WWTR1: variants seen among roughly 807,000 people sequenced by gnomAD.
The protein encoded by WWTR1 is WW domain-containing transcription regulator protein 1.
WWTR1 carries 13 observed loss-of-function variants against 40.1 expected under a neutral mutation model. The observed-to-expected ratio is 0.32, with a 90% CI of 0.21 to 0.52. WWTR1 has a LOEUF of 0.52. Among genes scored for constraint, WWTR1 ranks in the 20% least tolerant of loss-of-function variants. WWTR1 has a pLI of 0.97. For synonymous variants in WWTR1, 230 were observed against 210.1 expected (o/e 1.09, Z -0.82); for missense variants, 436 against 523.1 (o/e 0.83, Z 1.63).
intron 2 of WWTR1, among the ~76,000 whole-genome samples, chr3:149,588,245 GCAGCAGA>G (rs747709657): frequency 5.9e-5 from 9 of 152,196 alleles, no homozygotes; most frequent in Non-Finnish European, 1.2e-4. Context: ...GGCTGGAGCT[GCAGCAGA>G]CAGCTGGAAT....
rs768237833 is a variant in WWTR1 at position 149,590,848 on chromosome 3, C to T, written c.432-17848G>A. Among the ~76,000 whole-genome samples, 9 of 152,216 alleles carry T rather than the reference C, an allele frequency of 5.9e-5. No homozygotes were observed. In the East Asian group the frequency reaches 9.7e-4, roughly 16 times the overall value. On this transcript the variant is annotated intron_variant, in intron 2 of 6. Coordinates refer to ENST00000360632, the MANE Select transcript of WWTR1 (RefSeq NM_015472.6). Reference sequence around the variant, plus strand: ...GAAGGAAGGAAAAGGGGAGGTGGACCGTCAGCACTGCTGATAGCCTGACTT... The same window carrying T: ...GAAGGAAGGAAAAGGGGAGGTGGACTGTCAGCACTGCTGATAGCCTGACTT...
At chr3:149,566,870 C>A (rs1737350669) in intron 3 of WWTR1, among the ~76,000 whole-genome samples, 1 of 151,212 alleles carries the variant, frequency 6.6e-6, no homozygotes, top group Non-Finnish European at 1.5e-5. Flanking sequence ...GAGACACAGA[C>A]CTGGAGGACT....
intron 2 of WWTR1, among the ~76,000 whole-genome samples, chr3:149,646,113 G>C (rs1414079709): frequency 6.6e-6 from 1 of 152,158 alleles, no homozygotes; most frequent in East Asian, 1.9e-4. Flanking sequence ...TGATTAATTG[G>C]TTGATGCAAA....
intron 3 of WWTR1, among the ~76,000 whole-genome samples, chr3:149,543,956 C>T (rs921545163): frequency 8.6e-5 from 13 of 150,932 alleles, no homozygotes; most frequent in African/African-American, 1.2e-4. Flanking sequence ...AACATAGAGA[C>T]GAGGTTTCAC....
chr3:149,605,734 A>G (rs535006646), intron 2 of WWTR1, among the ~76,000 whole-genome samples: 1 of 152,272 alleles, frequency 6.6e-6, no homozygotes, highest in South Asian at 2.1e-4. Flanking sequence ...TGTGGTCCCG[A>G]GTTACAGACT....
At position 149,709,079 on chromosome 3, in the gene WWTR1, G is replaced by A. The variant is rs544382958; in HGVS notation, n.585-5751C>T. Among the ~76,000 whole-genome samples, 15 of 152,156 alleles carry A rather than the reference G, an allele frequency of 9.9e-5. No homozygotes were observed. The East Asian group carries it at 2.7e-3, about 27-fold the overall frequency. On this transcript the variant is annotated intron_variant and non_coding_transcript_variant, in intron 5 of 6. Transcript: ENST00000474080. Reference sequence around the variant, plus strand: ...CAACCTCTGCCTCCCGGGCTCAAGCGATCCTCCCACCCCAGCCTCCTGAGT... The same window carrying A: ...CAACCTCTGCCTCCCGGGCTCAAGCAATCCTCCCACCCCAGCCTCCTGAGT...
intron 4 of WWTR1, among the ~76,000 whole-genome samples, chr3:149,533,819 C>T (rs1054166310): frequency 3.0e-5 from 4 of 131,580 alleles, no homozygotes; most frequent in Admixed American, 7.2e-5. Flanking sequence ...GATTAGAAAG[C>T]GTACTTATAA....
intron 2 of WWTR1, among the ~76,000 whole-genome samples, chr3:149,590,008 T>A (rs1296994365): frequency 2.0e-5 from 3 of 152,148 alleles, no homozygotes; most frequent in Non-Finnish European, 2.9e-5. Flanking sequence ...TTAAACAAAT[T>A]AAGTCATTCT....
chr3:149,616,396 T>G (rs1678533889), intron 2 of WWTR1, among the ~76,000 whole-genome samples: 1 of 152,070 alleles, frequency 6.6e-6, no homozygotes, highest in Admixed American at 6.6e-5. Flanking sequence ...ACTACGTATT[T>G]CTTCCTCTGT....
intron 2 of WWTR1, among the ~76,000 whole-genome samples, chr3:149,627,196 T>G (rs1183869924): frequency 6.6e-6 from 1 of 152,190 alleles, no homozygotes; most frequent in African/African-American, 2.4e-5. Flanking sequence ...AAATTCAAAT[T>G]TAACTGAATA....
chr3:149,529,305 T>C (rs1735465213), intron 4 of WWTR1, among the ~76,000 whole-genome samples: 1 of 152,180 alleles, frequency 6.6e-6, no homozygotes, highest in African/African-American at 2.4e-5. Context: ...GATGTGACTT[T>C]AGAGGGTAGC....
intron 5 of WWTR1, among the ~76,000 whole-genome samples, chr3:149,711,068 C>G (rs1715466967): frequency 6.6e-6 from 1 of 150,720 alleles, no homozygotes; most frequent in Non-Finnish European, 1.5e-5. Flanking sequence ...AAACTCCACC[C>G]AAATTGATTA....
At chr3:149,646,478 T>G (rs780303092) in intron 2 of WWTR1, among the ~76,000 whole-genome samples, 15 of 152,250 alleles carry the variant, frequency 9.9e-5, no homozygotes, top group Non-Finnish European at 1.2e-4. Context: ...CTTCTCTATC[T>G]AGCTCTTCAT....
intron 1 of WWTR1, among the ~76,000 whole-genome samples, chr3:149,673,100 G>T (rs1213223185): frequency 6.6e-6 from 1 of 152,148 alleles, no homozygotes; most frequent in Non-Finnish European, 1.5e-5. Flanking sequence ...AATAGGCCAG[G>T]TACAGTGGCT....
intron 5 of WWTR1, among the ~76,000 whole-genome samples, chr3:149,717,250 T>C (rs1715635580): frequency 6.6e-6 from 1 of 152,222 alleles, no homozygotes; most frequent in Non-Finnish European, 1.5e-5. Flanking sequence ...TATCTCACTT[T>C]ATAAGCTTCG....
rs565403324 is a variant in WWTR1 at position 149,572,904 on chromosome 3, T to A, written c.528A>T (p.Pro176=). 8.4e-5 allele frequency: 136 copies of A among 1,613,946 alleles called. 2 individuals are homozygous for A. In the South Asian group the frequency reaches 1.5e-3, roughly 17 times the overall value. Residue 176 remains proline, a synonymous_variant, in exon 3 of 7, where the codon CCA becomes CCT. Transcript: ENST00000360632. ...ATACTGCCATGGACCTCTGAGGCAC[T>A]GGTGTGGAACTGACGGCAGGGTGGA... The part of the protein sequence containing the change: ...MNLHPAVSST[P]VPQRSMAVSQ...
intron 5 of WWTR1, among the ~76,000 whole-genome samples, chr3:149,708,480 C>T (rs1045972421): frequency 1.3e-5 from 2 of 152,194 alleles, no homozygotes; most frequent in Non-Finnish European, 2.9e-5. Context: ...CCTCAACCCC[C>T]ACTGCTGCCC....
At chr3:149,669,258 G>GAACC (rs1713971640) in intron 2 of WWTR1, among the ~76,000 whole-genome samples, 1 of 152,026 alleles carries the variant, frequency 6.6e-6, no homozygotes, top group African/African-American at 2.4e-5. Flanking sequence ...TCTTACAAGG[G>GAACC]AACCTCCTTT....
chr3:149,558,186 T>G (rs1394074858), intron 3 of WWTR1, among the ~76,000 whole-genome samples: 3 of 151,884 alleles, frequency 2.0e-5, no homozygotes, highest in African/African-American at 7.3e-5. Context: ...GGACTCAGAA[T>G]GAAGTGAAGG....
Sources: gnomAD v4.1 joint callset for allele counts (sites outside exome capture counted in the v4.1 genomes callset) on GRCh38, gnomAD v4.1.1 for gene constraint, MANE v1.5 for transcripts, NCBI Gene and HGNC (gene_info 2026-07-23, HGNC 2026-07-21) for gene names.